Variants in TNFRSF19 observed in about 807,000 individuals in gnomAD.
TNFRSF19 encodes tumor necrosis factor receptor superfamily member 19.
TNFRSF19 carries 27 observed loss-of-function variants against 46.4 expected under a neutral mutation model. That is an observed-to-expected ratio of 0.58 (90% CI 0.43 to 0.80). TNFRSF19 has a LOEUF of 0.80. Ranked by LOEUF, TNFRSF19 falls within the 30% of genes least tolerant of loss-of-function variation. The probability of loss-of-function intolerance (pLI) is 0.00; values close to 1 mark genes in which losing one functional copy is unlikely to be tolerated. For missense variants in TNFRSF19, 511 were observed against 530.8 expected (o/e 0.96, Z 0.37); for synonymous variants, 204 against 205.0 (o/e 1.00, Z 0.04).
intron 3 of TNFRSF19, among the ~76,000 whole-genome samples, chr13:23,598,758 C>T (rs1353649787): frequency 6.6e-6 from 1 of 152,166 alleles, no homozygotes; most frequent in African/African-American, 2.4e-5. Flanking sequence ...GCTATACATC[C>T]ATTTGCTTTA....
rs927498086 is a variant in TNFRSF19, at chr13:23,675,567, T to C, written c.*2187T>C. ...GATGAAGACATTTTACCCTACCTAC[T>C]CTAGAAATATACAACAATGTTATAT... On this transcript the variant is annotated 3_prime_UTR_variant, in exon 10 of 10. Transcript: ENST00000248484. 2 of 152,198 alleles carry C rather than the reference T, an allele frequency of 1.3e-5. No individual in the cohort carries two copies. The highest frequency in any genetic ancestry group is 4.8e-5 in the African/African-American group (2 of 41,440). The allele number at this position is 152,198 out of a possible 1,614,324, so 9.4% of individuals were successfully genotyped here. A position where few individuals can be genotyped will look rare whatever the true frequency, so the allele number is the denominator to read the frequency against.
chr13:23,580,743 A>G (rs1386958179), intron 1 of TNFRSF19, among the ~76,000 whole-genome samples: 1 of 152,400 alleles, frequency 6.6e-6, no homozygotes, highest in South Asian at 2.1e-4. Context: ...GCTTCTTTGC[A>G]TAACACTTAT....
intron 4 of TNFRSF19, among the ~76,000 whole-genome samples, chr13:23,619,987 G>GTACA (rs1881547682): frequency 6.6e-6 from 1 of 152,198 alleles, no homozygotes. Context: ...TTATTCTTTA[G>GTACA]GTAAATACTT....
At chr13:23,646,181 GGC>G (rs1023508623) in intron 5 of TNFRSF19, among the ~76,000 whole-genome samples, 6 of 152,132 alleles carry the variant, frequency 3.9e-5, no homozygotes, top group Non-Finnish European at 5.9e-5. Context: ...CCGGTCAGCG[GGC>G]AGTGATCTTT....
At chr13:23,583,189 T>C (rs1878577327) in intron 1 of TNFRSF19, among the ~76,000 whole-genome samples, 1 of 152,240 alleles carries the variant, frequency 6.6e-6, no homozygotes, top group African/African-American at 2.4e-5. Flanking sequence ...GGAGTTCGAA[T>C]TCTCCAAATC....
chr13:23,638,508 T>C (rs1042227472), intron 5 of TNFRSF19, among the ~76,000 whole-genome samples: 2 of 152,184 alleles, frequency 1.3e-5, no homozygotes, highest in Non-Finnish European at 2.9e-5. Context: ...TCTTTTCTTT[T>C]ACTCAAAGAC....
At chr13:23,616,723 C>T (rs1288177276) in intron 4 of TNFRSF19, among the ~76,000 whole-genome samples, 4 of 152,234 alleles carry the variant, frequency 2.6e-5, no homozygotes, top group African/African-American at 2.4e-5. Flanking sequence ...ACTGGGATTA[C>T]AGGCATGCGC....
rs778732412 is a variant in TNFRSF19, at chr13:23,659,208, C to A, written c.604C>A (p.Pro202Thr). 5 of 1,607,674 alleles carry A rather than the reference C, an allele frequency of 3.1e-6. No homozygotes were observed. The highest frequency in any genetic ancestry group is 1.1e-5 in the South Asian group (1 of 90,626). Residue 202 changes from proline to threonine, a missense_variant, in exon 6 of 10, where the codon CCC (proline) becomes ACC (threonine). Physicochemically the swap from Pro to Thr is conservative, Grantham distance 38. Around this residue, in one of 3 missense-constraint regions of TNFRSF19, gnomAD observed 376 missense variants for 372.7 expected, o/e 1.01. Transcript: ENST00000248484. This position sits in a 1 kb window ranked among gnomAD's most constrained non-coding sequence, Gnocchi z 4.9. ...YCKRQFMEKK[P>T]SWSLRSQDIQ... ...TAAGAGACAGTTTATGGAGAAGAAA[C>A]CCAGCTGTAAGTTTTGAGCTCATTA...
intron 1 of TNFRSF19, among the ~76,000 whole-genome samples, chr13:23,580,891 C>T (rs145994278): frequency 7.2e-4 from 110 of 152,342 alleles, no homozygotes; most frequent in African/African-American, 2.5e-3. Flanking sequence ...ACCATATCTA[C>T]TTTATTACCA....
At chr13:23,616,647 A>G (rs1881316163) in intron 4 of TNFRSF19, among the ~76,000 whole-genome samples, 1 of 152,174 alleles carries the variant, frequency 6.6e-6, no homozygotes, top group African/African-American at 2.4e-5. Context: ...CAATGGCGCA[A>G]TCTCAGCTCA....
intron 3 of TNFRSF19, among the ~76,000 whole-genome samples, chr13:23,595,586 G>A (rs1879662302): frequency 6.6e-6 from 1 of 152,224 alleles, no homozygotes; most frequent in East Asian, 1.9e-4. Flanking sequence ...AACAAACAAA[G>A]CCTGCAAGAA....
At chr13:23,644,085 A>T (rs949375677) in intron 5 of TNFRSF19, among the ~76,000 whole-genome samples, 1 of 152,226 alleles carries the variant, frequency 6.6e-6, no homozygotes, top group African/African-American at 2.4e-5. Context: ...TTTAAATCAC[A>T]AAAGGGCTGA....
At chr13:23,626,933 C>A in intron 5 of TNFRSF19, 141 bp downstream of exon 5, 2 of 717,318 alleles carry the variant, frequency 2.8e-6, no homozygotes, top group Non-Finnish European at 2.2e-6. Flanking sequence ...TTTAATCAGG[C>A]TTCTGGCAGG....
chr13:23,673,570 C>A lies in TNFRSF19; in HGVS notation c.*190C>A. ...CCAGACCAGCTGTAAGCTGAAACCT[C>A]AATGAATAACAAGAAAAGACTCCAG... On this transcript the variant is annotated 3_prime_UTR_variant, in exon 10 of 10. Transcript: ENST00000248484. 1 of 1,255,562 alleles carries A rather than the reference C, an allele frequency of 8.0e-7. No individual in the cohort carries two copies. Among genetic ancestry groups the A allele is most frequent in the Non-Finnish European group, 1.0e-6 (1 of 995,106 alleles). The allele number at this position is 1,255,562 out of a possible 1,614,324, so 77.8% of individuals were successfully genotyped here. A position where few individuals can be genotyped will look rare whatever the true frequency, so the allele number is the denominator to read the frequency against.
rs374824231 is a variant in TNFRSF19, at chr13:23,607,496, G to A, written c.181-8371G>A. ...AATTTGTAATTAAACAAGTCTCAGGGCCCTTTTTGACTGAGGCTTAGAATT... is the reference window on the plus strand; with the variant it reads ...AATTTGTAATTAAACAAGTCTCAGGACCCTTTTTGACTGAGGCTTAGAATT... On this transcript the variant is annotated intron_variant, in intron 3 of 9. Transcript: ENST00000248484. 8.5e-4 allele frequency among the ~76,000 whole-genome samples: 129 copies of A among 152,200 alleles called. 1 individual carries two copies. The highest frequency in any genetic ancestry group is 3.0e-3 in the African/African-American group (125 of 41,528).
At chr13:23,600,006 A>C (rs1033702597) in intron 3 of TNFRSF19, among the ~76,000 whole-genome samples, 4 of 152,190 alleles carry the variant, frequency 2.6e-5, no homozygotes, top group African/African-American at 9.7e-5. Context: ...GAAAATCTGA[A>C]TGAAACTTCA....
intron 1 of TNFRSF19, among the ~76,000 whole-genome samples, chr13:23,575,506 G>C (rs1328468179): frequency 6.6e-6 from 1 of 152,182 alleles, no homozygotes; most frequent in Non-Finnish European, 1.5e-5. Flanking sequence ...TCAGCCCCAT[G>C]CTGATAGTCT....
At chr13:23,630,507 CGTCT>C (rs1187588588) in intron 5 of TNFRSF19, among the ~76,000 whole-genome samples, 2 of 152,022 alleles carry the variant, frequency 1.3e-5, no homozygotes, top group Admixed American at 6.5e-5. Flanking sequence ...TCCCATAGCC[CGTCT>C]GTCTGGGCAC....
chr13:23,612,366 T>C (rs767741726), intron 3 of TNFRSF19, among the ~76,000 whole-genome samples: 7 of 152,152 alleles, frequency 4.6e-5, no homozygotes, highest in African/African-American at 4.8e-5. Context: ...ATATTGGGGG[T>C]AATTTAGTAT....
Sources: gnomAD v4.1 joint callset for allele counts (sites outside exome capture counted in the v4.1 genomes callset) on GRCh38, gnomAD v4.1.1 for gene constraint, gnomAD v4.1.1 regional missense constraint, Gnocchi (gnomAD v3.1) non-coding constraint, MANE v1.5 for transcripts, NCBI Gene and HGNC (gene_info 2026-07-23, HGNC 2026-07-21) for gene names.